Variants in LTBP2 observed in about 807,000 individuals in gnomAD.
LTBP2 encodes latent-transforming growth factor beta-binding protein 2.
A neutral mutation model predicts 210.6 loss-of-function variants in LTBP2; 103 were observed. The ratio of observed to expected loss-of-function variants is 0.49; its 90% confidence interval spans 0.42 to 0.58. The LOEUF is 0.58. Ranked by LOEUF, LTBP2 falls within the 20% of genes least tolerant of loss-of-function variation. LTBP2 has a pLI of 0.00. For synonymous variants in LTBP2, 1,007 were observed against 1,015.0 expected (o/e 0.99, Z 0.15); for missense variants, 2,313 against 2,494.5 (o/e 0.93, Z 1.55).
chr14:74,551,634 C>T (rs530942087), intron 6 of LTBP2, among the ~76,000 whole-genome samples: 1 of 152,280 alleles, frequency 6.6e-6, no homozygotes, highest in South Asian at 2.1e-4. Flanking sequence ...GGAACTCCAG[C>T]CCCCTGTCTC....
intron 1 of LTBP2, among the ~76,000 whole-genome samples, chr14:74,606,590 T>C (rs1487825340): frequency 6.6e-6 from 1 of 152,228 alleles, no homozygotes; most frequent in Non-Finnish European, 1.5e-5. Context: ...GGCTCACACC[T>C]GTAATCCCAG....
intron 24 of LTBP2, 91 bp from the exon 25 acceptor site, chr14:74,508,186 T>C (rs540572154): frequency 1.1e-5 from 16 of 1,504,904 alleles, no homozygotes; most frequent in African/African-American, 4.1e-5. Flanking sequence ...GAGTAGCCCA[T>C]AGGAGAGTCA....
chr14:74,600,025 A>C (rs968192627), intron 2 of LTBP2, among the ~76,000 whole-genome samples: 1 of 152,060 alleles, frequency 6.6e-6, no homozygotes, highest in Non-Finnish European at 1.5e-5. Flanking sequence ...CCCAGCCAGG[A>C]GGGCAGCTGT....
intron 3 of LTBP2, among the ~76,000 whole-genome samples, chr14:74,574,304 G>A (rs947664003): frequency 1.7e-4 from 26 of 152,004 alleles, no homozygotes; most frequent in African/African-American, 6.0e-4. Context: ...CCAAACTTCC[G>A]CCATGGTAAC....
At chr14:74,506,584 G>A in intron 27 of LTBP2, 114 bp downstream of exon 27, 2 of 1,512,698 alleles carry the variant, frequency 1.3e-6, no homozygotes, top group South Asian at 1.1e-5. Context: ...AGCCTCCCTT[G>A]CCCATGCTCT....
At chr14:74,544,570 C>A (rs1035627814) in intron 8 of LTBP2, among the ~76,000 whole-genome samples, 7 of 152,124 alleles carry the variant, frequency 4.6e-5, no homozygotes, top group Non-Finnish European at 2.9e-5. Flanking sequence ...CCCCTCATGC[C>A]CCCAGCACCC....
intron 18 of LTBP2, among the ~76,000 whole-genome samples, chr14:74,512,430 A>T (rs1439862597): frequency 2.0e-5 from 3 of 152,078 alleles, no homozygotes; most frequent in Non-Finnish European, 4.4e-5. Context: ...CCTATGGAGG[A>T]AGTGTGGGAG....
chr14:74,584,161 C>T (rs897997011), intron 3 of LTBP2, among the ~76,000 whole-genome samples: 8 of 152,046 alleles, frequency 5.3e-5, no homozygotes, highest in Admixed American at 1.3e-4. Context: ...GGGTGCAGGG[C>T]GCAGATGCAT....
intron 17 of LTBP2, among the ~76,000 whole-genome samples, chr14:74,519,416 C>T (rs780303038): frequency 6.6e-6 from 1 of 151,714 alleles, no homozygotes; most frequent in Non-Finnish European, 1.5e-5. Flanking sequence ...AACCCACAGG[C>T]TAATGTATGA....
Position 74,528,419 on chromosome 14 carries a change from C to T in LTBP2, c.2368+64G>A. 2.5e-6 allele frequency: 4 copies of T among 1,574,474 alleles called. No individual in the cohort carries two copies. In the South Asian group the frequency reaches 3.3e-5, roughly 13 times the overall value. ...GGACCCAGGATTAACACCCACACTT[C>T]TCTGAGGTGCTGGAAACTTAGGGGA... On this transcript the variant is annotated intron_variant, in intron 12 of 35. Transcript: ENST00000261978.
rs111634025 is a variant in LTBP2 at position 74,543,107 on chromosome 14, G to A, written c.1789+6756C>T. ...TAGAAGTGGGGACTGGGCTGGGCAC[G>A]GTGGTTCACATCTGTAATCCCAGCA... On this transcript the variant is annotated intron_variant, in intron 8 of 35. Coordinates refer to ENST00000261978, the MANE Select transcript of LTBP2 (RefSeq NM_000428.3). 1.5e-3 allele frequency among the ~76,000 whole-genome samples: 217 copies of A among 144,874 alleles called. 1 individual carries two copies. Among genetic ancestry groups the A allele is most frequent in the African/African-American group, 5.3e-3 (208 of 39,162 alleles).
At chr14:74,543,560 TCC>T (rs1566631224) in intron 8 of LTBP2, among the ~76,000 whole-genome samples, 2,501 of 149,338 alleles carry the variant, frequency 0.017, 135 homozygotes, top group African/African-American at 0.058. Flanking sequence ...CTCCCTTCCT[TCC>T]TCCCTTCCTT....
chr14:74,563,164 A>G (rs1399497065), intron 3 of LTBP2, among the ~76,000 whole-genome samples: 1 of 152,156 alleles, frequency 6.6e-6, no homozygotes, highest in Non-Finnish European at 1.5e-5. Flanking sequence ...TGTAAGCTCT[A>G]TCCTCAATCA....
intron 2 of LTBP2, among the ~76,000 whole-genome samples, chr14:74,589,600 C>G (rs183725603): frequency 3.9e-4 from 60 of 152,290 alleles, no homozygotes; most frequent in African/African-American, 1.4e-3. Context: ...ACTGCCACCA[C>G]GGCAGGATTT....
chr14:74,541,807 T>G lies in LTBP2; in HGVS notation c.1790-5807A>C, dbSNP rs138100280. 6.1e-3 allele frequency among the ~76,000 whole-genome samples: 922 copies of G among 151,596 alleles called. 4 individuals carry two copies. The highest frequency in any genetic ancestry group is 0.021 in the African/African-American group (882 of 41,328). ...ATACTCAGAAGGAGGTCAGAAGAAC[T>G]GATCAGATGCCTGGTAAGTGCTCCA... On this transcript the variant is annotated intron_variant, in intron 8 of 35. Transcript: ENST00000261978.
chr14:74,539,138 C>T (rs2139730814), intron 8 of LTBP2, among the ~76,000 whole-genome samples: 1 of 152,386 alleles, frequency 6.6e-6, no homozygotes, highest in Middle Eastern at 3.4e-3. Context: ...CATGGGTACA[C>T]ATGGTCATGT....
chr14:74,498,638 A>T lies in LTBP2; in HGVS notation c.*2246T>A, dbSNP rs2139682015. On this transcript the variant is annotated 3_prime_UTR_variant, in exon 36 of 36. Coordinates refer to ENST00000261978, the MANE Select transcript of LTBP2 (RefSeq NM_000428.3). ...TATCTCAAGGTTGGCAGGAAGGTGG[A>T]GATTGGAGTGTTGTGGGGGCAGTGG... 1 of 231,866 alleles carries T rather than the reference A, an allele frequency of 4.3e-6. No homozygotes were observed. The highest frequency in any genetic ancestry group is 2.2e-5 in the African/African-American group (1 of 45,348). 14.4% of individuals were successfully genotyped at this position (231,866 alleles called of 1,614,324 possible). A position where few individuals can be genotyped will look rare whatever the true frequency, so the allele number is the denominator to read the frequency against.
chr14:74,510,255 C>T, intron 19 of LTBP2, 42 bp from the exon 20 acceptor site: 2 of 1,609,322 alleles, frequency 1.2e-6, no homozygotes, highest in Non-Finnish European at 1.7e-6. Context: ...GCCTCCTCCC[C>T]ATCCTGCAGC....
rs1408980253 is a variant in LTBP2 at position 74,572,314 on chromosome 14, TGTGTGTGTGAGAGA to T, written c.830+13526_830+13539del. ...GTGTGTGTGTGTGTGTGTCTGTGTG[TGTGTGTGTGAGAGA>T]GAGAGAGAGAGAGTGTGTGTGTGTG... is the stretch of plus-strand genomic sequence containing the variant. On this transcript the variant is annotated intron_variant, in intron 3 of 35. Transcript: ENST00000261978. Among the ~76,000 whole-genome samples the T allele has an allele frequency of 3.6e-3, 270 of 74,800 alleles. 1 individual carries two copies. The highest frequency in any genetic ancestry group is 5.2e-3 in the African/African-American group (171 of 32,802). The allele number at this position is 74,800 out of a possible 152,430, so 49.1% of individuals were successfully genotyped here.
Sources: allele counts gnomAD v4.1 joint callset (sites outside exome capture counted in the v4.1 genomes callset), GRCh38; gene constraint gnomAD v4.1.1; transcripts MANE v1.5; gene names NCBI Gene and HGNC (gene_info 2026-07-23, HGNC 2026-07-21).